Variants in GPAM observed in about 807,000 individuals in gnomAD.
GPAM encodes glycerol-3-phosphate acyltransferase 1, mitochondrial.
A neutral mutation model predicts 105.0 loss-of-function variants in GPAM; 56 were observed. The observed-to-expected ratio is 0.53, with a 90% confidence interval of 0.43 to 0.67. GPAM has a LOEUF of 0.67. GPAM is among the 30% of genes least tolerant of loss of function. The pLI is 0.00. For synonymous variants in GPAM, 368 were observed against 354.4 expected, an observed-to-expected ratio of 1.04 and a Z score of -0.43; for missense variants, 855 against 989.8, an observed-to-expected ratio of 0.86 and a Z score of 1.83.
intron 21 of GPAM, 54 bp downstream of exon 21, chr10:112,154,575 C>A (rs897911521): frequency 7.9e-7 from 1 of 1,270,592 alleles, no homozygotes; most frequent in East Asian, 2.3e-5. Flanking sequence ...CAGACTAGAT[C>A]TAAAGAGAAC....
chr10:112,209,791 T>C (rs1012561910), intron 1 of GPAM, among the ~76,000 whole-genome samples: 12 of 152,160 alleles, frequency 7.9e-5, no homozygotes, highest in Non-Finnish European at 1.3e-4. Context: ...CTGCAGAATG[T>C]CCAGCCCACA....
At chr10:112,221,179 T>C in the GPAM span, among the ~76,000 whole-genome samples, 1 of 152,226 alleles carries the variant, frequency 6.6e-6, no homozygotes, top group African/African-American at 2.4e-5. Flanking sequence ...TATGAAATAC[T>C]GTACAAGCCA....
At chr10:112,224,289 C>A in the GPAM span, among the ~76,000 whole-genome samples, 1 of 152,186 alleles carries the variant, frequency 6.6e-6, no homozygotes. Context: ...ATTTCATACA[C>A]AATGATCATG....
chr10:112,154,725 C>T (rs371344866), intron 20 of GPAM, 38 bp from the exon 21 acceptor site: 39 of 1,403,778 alleles, frequency 2.8e-5, no homozygotes, highest in Admixed American at 5.0e-5. Context: ...AATGGTTACG[C>T]TCAACAAATC....
intron 6 of GPAM, among the ~76,000 whole-genome samples, chr10:112,174,745 C>A (rs1393069619): frequency 6.6e-6 from 1 of 152,166 alleles, no homozygotes; most frequent in Non-Finnish European, 1.5e-5. Context: ...CCCTAAAAAG[C>A]ATTCATTGCA....
intron 11 of GPAM, 133 bp downstream of exon 11, chr10:112,168,179 T>A (rs1361694395): frequency 2.9e-6 from 2 of 692,010 alleles, no homozygotes; most frequent in Non-Finnish European, 5.3e-6. Context: ...GCCCATCCAA[T>A]CACATTTCAT....
At chr10:112,157,032 T>G in intron 19 of GPAM, 1 of 619,596 alleles carries the variant, frequency 1.6e-6, no homozygotes, top group Non-Finnish European at 2.9e-6. Flanking sequence ...CCTATGACAT[T>G]CATCTTCCTG....
In GPAM at chr10:112,180,473, C is replaced by T; in HGVS notation, c.225G>A (p.Trp75Ter). ...GGTCAATAAGCAGTAAGGTTCTTAC[C>T]CAGCTCTGGGGAGTGCAGGAGTAAC... ...RCCYSCTPQSWDKFFNPSIPS... is the reference protein window; with the variant it reads ...RCCYSCTPQS Residue 75 changes from tryptophan (W) to a stop codon, truncating the protein, a stop_gained and splice_region_variant, in exon 4 of 22, where the codon TGG (tryptophan) becomes TGA (stop). Transcript: ENST00000348367. LOFTEE classifies it high-confidence loss of function. The T allele has an allele frequency of 6.2e-7, 1 of 1,613,492 alleles. No individual in the cohort carries two copies. The highest frequency in any genetic ancestry group is 8.5e-7 in the Non-Finnish European group (1 of 1,179,544).
Position 112,201,189 on chromosome 10 carries a change from G to A in GPAM, n.210+13979C>T, listed in dbSNP as rs899910552. On this transcript the variant is annotated intron_variant and non_coding_transcript_variant, in intron 1 of 3. Coordinates refer to the GPAM transcript ENST00000480130. ...CAGTGTGAGGAGAAGAACCCAAGTAGGGTGTGATGGGCTTGCCACAGCCAA... is the reference window on the plus strand; with the variant it reads ...CAGTGTGAGGAGAAGAACCCAAGTAAGGTGTGATGGGCTTGCCACAGCCAA... Among the ~76,000 whole-genome samples the A allele has an allele frequency of 2.6e-5, 4 of 152,324 alleles. No homozygotes were observed. The East Asian group carries it at 7.7e-4, about 29-fold the overall frequency.
At chr10:112,169,394 T>C (rs551909361) in intron 9 of GPAM, among the ~76,000 whole-genome samples, 1 of 152,346 alleles carries the variant, frequency 6.6e-6, no homozygotes, top group South Asian at 2.1e-4. Flanking sequence ...GGGGAAATTT[T>C]CTCAAATAAT....
In GPAM at chr10:112,163,835, A is replaced by G; in HGVS notation, c.1308-19T>C. Reference sequence around the variant, plus strand: ...ACTGGGTCTAAAAAGTGTTTCAAAAATCAACACACAACCGCACTCTTTTAC... The same window carrying G: ...ACTGGGTCTAAAAAGTGTTTCAAAAGTCAACACACAACCGCACTCTTTTAC... On this transcript the variant is annotated intron_variant, in intron 13 of 21. Transcript: ENST00000348367. The G allele has an allele frequency of 1.7e-6, 2 of 1,191,340 alleles. No homozygotes were observed. Among genetic ancestry groups the G allele is most frequent in the South Asian group, 1.2e-5 (1 of 82,586 alleles). The allele number at this position is 1,191,340 out of a possible 1,614,324, so 73.8% of individuals were successfully genotyped here. A position where few individuals can be genotyped will look rare whatever the true frequency, so the allele number is the denominator to read the frequency against.
At chr10:112,226,805 G>T in the GPAM span, among the ~76,000 whole-genome samples, 3 of 152,322 alleles carry the variant, frequency 2.0e-5, no homozygotes, top group East Asian at 5.8e-4. Flanking sequence ...GAGTCAGCAA[G>T]TCTAGACACA....
chr10:112,160,574 T>A, intron 16 of GPAM, 30 bp downstream of exon 16: 1 of 1,596,672 alleles, frequency 6.3e-7, no homozygotes, highest in Non-Finnish European at 8.6e-7. Flanking sequence ...TCCATGAAAA[T>A]TACTGAAAAT....
chr10:112,221,047 C>A, the GPAM span, among the ~76,000 whole-genome samples: 1 of 152,060 alleles, frequency 6.6e-6, no homozygotes, highest in South Asian at 2.1e-4. Flanking sequence ...ATCTCCAGCC[C>A]AATATTGCCA....
the GPAM span, among the ~76,000 whole-genome samples, chr10:112,224,140 GA>G: frequency 2.0e-5 from 3 of 152,074 alleles, no homozygotes; most frequent in Non-Finnish European, 4.4e-5. Flanking sequence ...TGAGAAAACT[GA>G]GACCAATTAT....
chr10:112,153,391 A>G lies in GPAM; in HGVS notation c.*159T>C. ...GTGTTGATGCAGAGCTGGGAAGATC[A>G]CAGATCCATGGAGGGAGAAGGCACT... On this transcript the variant is annotated 3_prime_UTR_variant, in exon 22 of 22. Coordinates refer to ENST00000348367, the MANE Select transcript of GPAM (RefSeq NM_001244949.2). 1.9e-6 allele frequency: 3 copies of G among 1,572,914 alleles called. No homozygotes were observed. The highest frequency in any genetic ancestry group is 2.6e-6 in the Non-Finnish European group (3 of 1,165,438).
intron 1 of GPAM, among the ~76,000 whole-genome samples, chr10:112,197,855 C>A (rs1280231966): frequency 6.6e-6 from 1 of 152,050 alleles, no homozygotes; most frequent in Non-Finnish European, 1.5e-5. Flanking sequence ...CCATGGCATT[C>A]TTATTCACAA....
intron 4 of GPAM, among the ~76,000 whole-genome samples, chr10:112,178,829 T>C (rs1350060814): frequency 6.6e-6 from 1 of 152,232 alleles, no homozygotes; most frequent in African/African-American, 2.4e-5. Context: ...TTCAATCTTA[T>C]GTCTTGATCT....
rs1203350816 is a variant in GPAM, at chr10:112,211,155, T to C, written n.210+4013A>G. ...AATACTGGGATCCAGCTGGGGGAAGTAGGAGGGAGGTGCTGAGAGAATGGG... is the reference window on the plus strand; with the variant it reads ...AATACTGGGATCCAGCTGGGGGAAGCAGGAGGGAGGTGCTGAGAGAATGGG... On this transcript the variant is annotated intron_variant and non_coding_transcript_variant, in intron 1 of 3. Coordinates refer to the GPAM transcript ENST00000480130. 2.0e-5 allele frequency among the ~76,000 whole-genome samples: 3 copies of C among 151,862 alleles called. No individual in the cohort carries two copies. The East Asian group carries it at 5.8e-4, about 29-fold the overall frequency.
Sources: allele counts gnomAD v4.1 joint callset (sites outside exome capture counted in the v4.1 genomes callset), GRCh38; gene constraint gnomAD v4.1.1; transcripts MANE v1.5; gene names NCBI Gene and HGNC (gene_info 2026-07-23, HGNC 2026-07-21).